PLCH1: variants seen among roughly 807,000 people sequenced by gnomAD.
PLCH1 encodes phospholipase C eta 1.
PLCH1 carries 60 observed loss-of-function variants against 126.7 expected under a neutral mutation model. The ratio of observed to expected loss-of-function variants is 0.47; its 90% CI spans 0.38 to 0.59. PLCH1 has a LOEUF of 0.59. Among genes scored for constraint, PLCH1 ranks in the 20% least tolerant of loss-of-function variants. PLCH1 has a pLI of 0.00. For synonymous variants in PLCH1, 719 were observed against 734.9 expected, an observed-to-expected ratio of 0.98 and a Z score of 0.35; for missense variants, 1,723 against 2,040.0, an observed-to-expected ratio of 0.84 and a Z score of 2.99.
At chr3:155,621,086 T>C (rs1393013880) in intron 2 of PLCH1, among the ~76,000 whole-genome samples, 3 of 152,158 alleles carry the variant, frequency 2.0e-5, no homozygotes, top group Non-Finnish European at 4.4e-5. Context: ...ATCTTTGCTG[T>C]TCTGCAGCCT....
Position 155,481,927 on chromosome 3 carries a change from C to T in PLCH1, c.4099G>A (p.Glu1367Lys). 6.2e-7 allele frequency: 1 copy of T among 1,614,168 alleles called. No homozygotes were observed. The highest frequency in any genetic ancestry group is 1.1e-5 in the South Asian group (1 of 91,086). The change falls in exon 23 of 23, where the codon GAA becomes AAA. Residue 1367 changes from glutamate (E) to lysine (K), a missense_variant. Glu to Lys is a moderately conservative substitution (Grantham distance 56). Coordinates refer to ENST00000460012, the MANE Select transcript of PLCH1 (RefSeq NM_014996.4). The surrounding 1 kb of genome is among the most constrained non-coding windows in gnomAD (Gnocchi z 4.2). The part of the protein sequence containing the change: ...ESENLSLTTC[E>K]YRREGTSQLA... ...TGACTTGTGCCCTCTCTCCTATATTCACAGGTTGTTAGAGAAAGATTTTCT... is the reference window on the plus strand; with the variant it reads ...TGACTTGTGCCCTCTCTCCTATATTTACAGGTTGTTAGAGAAAGATTTTCT...
chr3:155,578,827 C>T (rs1025196847), intron 6 of PLCH1, among the ~76,000 whole-genome samples: 1 of 152,072 alleles, frequency 6.6e-6, no homozygotes, highest in Non-Finnish European at 1.5e-5. Flanking sequence ...CCGGCCTTCC[C>T]CCCAGCCCTT....
At chr3:155,670,205 AG>A (rs1743267094) in intron 2 of PLCH1, among the ~76,000 whole-genome samples, 1 of 151,576 alleles carries the variant, frequency 6.6e-6, no homozygotes, top group Non-Finnish European at 1.5e-5. Flanking sequence ...AAATGCAAAG[AG>A]AAATTATAAA....
chr3:155,600,276 T>G (rs1733543274), intron 2 of PLCH1, among the ~76,000 whole-genome samples: 2 of 152,236 alleles, frequency 1.3e-5, no homozygotes, highest in Non-Finnish European at 2.9e-5. Flanking sequence ...CAGTCTCATC[T>G]AGATCATTTA....
intron 9 of PLCH1, among the ~76,000 whole-genome samples, chr3:155,551,917 G>A (rs1726197103): frequency 1.3e-5 from 2 of 152,134 alleles, no homozygotes; most frequent in African/African-American, 4.8e-5. Context: ...AGATACATAG[G>A]TGGCAGGCCT....
chr3:155,484,786 C>T (rs987431694), intron 22 of PLCH1, among the ~76,000 whole-genome samples: 1 of 152,106 alleles, frequency 6.6e-6, no homozygotes, highest in Non-Finnish European at 1.5e-5. Flanking sequence ...GCTTGTGGAG[C>T]CCACAACCGT....
At chr3:155,655,125 C>G (rs1741199606) in intron 2 of PLCH1, among the ~76,000 whole-genome samples, 1 of 152,154 alleles carries the variant, frequency 6.6e-6, no homozygotes, top group South Asian at 2.1e-4. Flanking sequence ...TAAAGGTCTT[C>G]TTGGATTCTT....
chr3:155,503,647 C>T (rs958096238), intron 13 of PLCH1, among the ~76,000 whole-genome samples: 2 of 151,746 alleles, frequency 1.3e-5, no homozygotes, highest in Admixed American at 6.6e-5. Flanking sequence ...AAGCAGTTCT[C>T]ATGCCTTAGC....
chr3:155,506,530 G>A (rs1718773404), intron 12 of PLCH1, among the ~76,000 whole-genome samples: 1 of 107,522 alleles, frequency 9.3e-6, no homozygotes, highest in African/African-American at 3.8e-5. Flanking sequence ...AGTCCCCAGA[G>A]TGTGATATTC....
intron 2 of PLCH1, among the ~76,000 whole-genome samples, chr3:155,675,793 T>C (rs1280230215): frequency 6.6e-6 from 1 of 152,198 alleles, no homozygotes; most frequent in Non-Finnish European, 1.5e-5. Flanking sequence ...ATTCTACTCT[T>C]ATAAAAGTCT....
At chr3:155,666,797 G>A (rs1409289770) in intron 2 of PLCH1, among the ~76,000 whole-genome samples, 3 of 152,052 alleles carry the variant, frequency 2.0e-5, no homozygotes, top group African/African-American at 7.2e-5. Context: ...CTAGGGCAAA[G>A]GGTAAATATA....
At position 155,650,095 on chromosome 3, in the gene PLCH1, C is replaced by T. The variant is rs186685075; in HGVS notation, c.80-53717G>A. Among the ~76,000 whole-genome samples, 46 of 152,152 alleles carry T rather than the reference C, an allele frequency of 3.0e-4. No individual in the cohort carries two copies. In the East Asian group the frequency reaches 7.3e-3, roughly 24 times the overall value. ...CTTCCAGTGGTCTTCCACAAACAGC[C>T]CCCCCAAACCCCCAAATAAAACAGT... On this transcript the variant is annotated intron_variant, in intron 2 of 22. Coordinates refer to ENST00000460012, the MANE Select transcript of PLCH1 (RefSeq NM_014996.4).
intron 2 of PLCH1, among the ~76,000 whole-genome samples, chr3:155,655,406 G>A (rs1358357920): frequency 6.6e-6 from 1 of 151,274 alleles, no homozygotes; most frequent in East Asian, 2.0e-4. Context: ...ACTCTGGCCT[G>A]GGTAACAGAG....
intron 2 of PLCH1, among the ~76,000 whole-genome samples, chr3:155,600,334 G>A (rs182000416): frequency 6.6e-6 from 1 of 152,306 alleles, no homozygotes; most frequent in East Asian, 1.9e-4. Context: ...CAACAGAAAT[G>A]ATTAACAGCA....
chr3:155,721,346 C>T (rs548471570), intron 1 of PLCH1, among the ~76,000 whole-genome samples: 1 of 152,300 alleles, frequency 6.6e-6, no homozygotes, highest in East Asian at 1.9e-4. Context: ...CATCCATAAG[C>T]CTGGAATGTG....
intron 22 of PLCH1, chr3:155,483,340 G>A (rs1415887154): frequency 2.0e-6 from 3 of 1,529,754 alleles, no homozygotes; most frequent in Non-Finnish European, 2.7e-6. Flanking sequence ...CTTTTACAGT[G>A]AGGATTACCT....
chr3:155,462,158 G>A (rs1459330969), intron 21 of PLCH1, among the ~76,000 whole-genome samples: 1 of 152,186 alleles, frequency 6.6e-6, no homozygotes, highest in East Asian at 1.9e-4. Flanking sequence ...GTACTTACTA[G>A]TTTAACAAAC....
intron 10 of PLCH1, among the ~76,000 whole-genome samples, chr3:155,524,567 G>A (rs548605599): frequency 6.6e-6 from 1 of 152,292 alleles, no homozygotes; most frequent in East Asian, 1.9e-4. Flanking sequence ...CATTACTTCA[G>A]ACTGACTAGA....
At chr3:155,595,884 C>T (rs957124170) in intron 3 of PLCH1, among the ~76,000 whole-genome samples, 1 of 151,982 alleles carries the variant, frequency 6.6e-6, no homozygotes, top group Non-Finnish European at 1.5e-5. Context: ...CAGAATATGA[C>T]AATACATTTT....
Sources: gnomAD v4.1 joint callset for allele counts (sites outside exome capture counted in the v4.1 genomes callset) on GRCh38, gnomAD v4.1.1 for gene constraint, Gnocchi (gnomAD v3.1) non-coding constraint, MANE v1.5 for transcripts, NCBI Gene and HGNC (gene_info 2026-07-23, HGNC 2026-07-21) for gene names.